The following RNF126 variants were observed in gnomAD, a reference collection of about 807,000 sequenced individuals.
RNF126 encodes the protein E3 ubiquitin-protein ligase RNF126.
A neutral mutation model predicts 41.9 loss-of-function variants in RNF126; 20 were observed. That is an observed-to-expected ratio of 0.48 (90% CI 0.34 to 0.69). RNF126 has a LOEUF of 0.69. RNF126 is among the 30% of genes least tolerant of loss of function. RNF126 has a pLI of 0.01. For synonymous variants in RNF126, 239 were observed against 202.9 expected, an observed-to-expected ratio of 1.18 and a Z score of -1.51; for missense variants, 433 against 460.6, an observed-to-expected ratio of 0.94 and a Z score of 0.55.
At position 651,859 on chromosome 19, in the gene RNF126, G is replaced by A. The variant is rs1159000541; in HGVS notation, c.199-4C>T. 1 of 1,603,672 alleles carries A rather than the reference G, an allele frequency of 6.2e-7. No homozygotes were observed. Among genetic ancestry groups the A allele is most frequent in the Non-Finnish European group, 8.5e-7 (1 of 1,175,488 alleles). On this transcript the variant is annotated splice_region_variant and splice_polypyrimidine_tract_variant and intron_variant, in intron 3 of 8. Transcript: ENST00000292363. ...TGAACAGGTGCTGGTCCACGTGCTG[G>A]GGAGAGGAGGGGGGCGTGACCTCGG...
chr19:652,167 AG>A, intron 3 of RNF126, 65 bp downstream of exon 3: 1 of 1,293,194 alleles, frequency 7.7e-7, no homozygotes, highest in Non-Finnish European at 1.0e-6. Context: ...AGGTGGGGAC[AG>A]GCTGGCGCTC....
chr19:652,993 G>T, intron 1 of RNF126, 109 bp from the exon 2 acceptor site: 1 of 1,027,404 alleles, frequency 9.7e-7, no homozygotes, highest in Non-Finnish European at 1.5e-6. Context: ...TGGCTGGCCA[G>T]GCACACGCAG....
At chr19:658,585 C>T (rs868544919) in intron 1 of RNF126, among the ~76,000 whole-genome samples, 19 of 152,182 alleles carry the variant, frequency 1.2e-4, no homozygotes, top group African/African-American at 3.6e-4. Flanking sequence ...CGGGCACGTG[C>T]GGCGCCTGCA....
rs976726330 is a variant in RNF126 at position 652,313 on chromosome 19, G to C, written c.135-17C>G. The C allele has an allele frequency of 6.4e-6, 10 of 1,552,294 alleles. No individual in the cohort carries two copies. The South Asian group carries it at 9.7e-5, about 15-fold the overall frequency. ...TCTGTGCTCCTGGGGAGAGAGTGCAGGTCAGCAGTGCCGGCTACCCTGTGC... is the reference window on the plus strand; with the variant it reads ...TCTGTGCTCCTGGGGAGAGAGTGCACGTCAGCAGTGCCGGCTACCCTGTGC... On this transcript the variant is annotated splice_polypyrimidine_tract_variant and intron_variant, in intron 2 of 8. Coordinates refer to ENST00000292363, the MANE Select transcript of RNF126 (RefSeq NM_194460.3).
At chr19:658,495 T>C (rs1305476232) in intron 1 of RNF126, among the ~76,000 whole-genome samples, 1 of 151,918 alleles carries the variant, frequency 6.6e-6, no homozygotes, top group Non-Finnish European at 1.5e-5. Flanking sequence ...GGAGCCCCCG[T>C]GCTGGCTACT....
chr19:658,880 C>T (rs1375773482), intron 1 of RNF126, among the ~76,000 whole-genome samples: 1 of 152,172 alleles, frequency 6.6e-6, no homozygotes, highest in Non-Finnish European at 1.5e-5. Context: ...ACGGCTCGCC[C>T]GAGGCTCAGA....
intron 6 of RNF126, 97 bp downstream of exon 6, chr19:649,582 T>C (rs2030170990): frequency 1.0e-5 from 10 of 987,470 alleles, no homozygotes; most frequent in African/African-American, 4.8e-5. Context: ...CCTTTGACCT[T>C]TGTGGGGCTT....
Position 657,742 on chromosome 19 carries a change from C to T in RNF126, c.76-4858G>A, listed in dbSNP as rs117449402. Among the ~76,000 whole-genome samples the T allele has an allele frequency of 4.6e-4, 70 of 152,312 alleles. No individual in the cohort carries two copies. The East Asian group carries it at 0.012, about 27-fold the overall frequency. ...AGGGCTCTGGGCTGTCTCTCAGGCC[C>T]CCGGCCAGCCCCTCCAGGGCCACCG... On this transcript the variant is annotated intron_variant, in intron 1 of 8. Transcript: ENST00000292363.
In RNF126 at chr19:652,293, G is replaced by C. The variant is rs1027729505; in HGVS notation, c.138C>G (p.Ser46Arg). The C allele has an allele frequency of 2.6e-6, 4 of 1,556,242 alleles. No individual in the cohort carries two copies. In the Admixed American group the frequency reaches 8.9e-5, roughly 35 times the overall value. ...FIEELPEETRSTENGSAPSTA... is the reference protein window; with the variant it reads ...FIEELPEETRRTENGSAPSTA... ...TGGAGGGGGCAGAACCATTTTCTGT[G>C]CTCCTGGGGAGAGAGTGCAGGTCAG... The change falls in exon 3 of 9, where the codon AGC (serine) becomes AGG (arginine). Residue 46 changes from serine to arginine, a missense_variant. Ser to Arg is a moderately radical substitution (Grantham distance 110). Transcript: ENST00000292363.
At chr19:655,509 GA>G (rs1298374630) in intron 1 of RNF126, among the ~76,000 whole-genome samples, 5 of 151,562 alleles carry the variant, frequency 3.3e-5, no homozygotes, top group East Asian at 1.9e-4. Flanking sequence ...AGTGGGGGGG[GA>G]AAGGACGTGT....
In RNF126 at chr19:651,805, A is replaced by G. The variant is rs2030310332; in HGVS notation, c.249T>C (p.Ala83=). Residue 83 remains alanine, a synonymous_variant, in exon 4 of 9, where the codon GCT becomes GCC. Transcript: ENST00000292363. ...FTLPQGYGQF[A]FGIFDDSFEI... Reference sequence around the variant, plus strand: ...CGAAGCTGTCATCGAAGATGCCGAAAGCAAACTGTCCGTAGCCCTGCGGCA... The same window carrying G: ...CGAAGCTGTCATCGAAGATGCCGAAGGCAAACTGTCCGTAGCCCTGCGGCA... The G allele has an allele frequency of 6.2e-7, 1 of 1,612,782 alleles. No homozygotes were observed. The highest frequency in any genetic ancestry group is 8.5e-7 in the Non-Finnish European group (1 of 1,179,878).
chr19:654,365 G>A (rs989386310), intron 1 of RNF126, among the ~76,000 whole-genome samples: 1 of 152,240 alleles, frequency 6.6e-6, no homozygotes, highest in African/African-American at 2.4e-5. Flanking sequence ...CCATCACCGG[G>A]GGCGCGGTGG....
In RNF126 at chr19:648,364, G is replaced by GCCCCCC; in HGVS notation, c.786+7_786+8insGGGGGG. ...CGGGGTGGGGGGGCGGGTGGGCGGG[G>GCCCCCC]CACTCACCTGCTCCAGCCAGGGCAC... On this transcript the variant is annotated splice_region_variant and intron_variant, in intron 8 of 8. Transcript: ENST00000292363. 3 of 510,414 alleles carry GCCCCCC rather than the reference G, an allele frequency of 5.9e-6. No homozygotes were observed. The highest frequency in any genetic ancestry group is 1.1e-5 in the Non-Finnish European group (3 of 278,292). The allele number at this position is 510,414 out of a possible 1,614,324, so 31.6% of individuals were successfully genotyped here.
intron 1 of RNF126, among the ~76,000 whole-genome samples, chr19:654,869 A>G (rs1043504710): frequency 6.6e-6 from 1 of 151,860 alleles, no homozygotes; most frequent in Non-Finnish European, 1.5e-5. Context: ...CAGGAGGCTG[A>G]GACAGGAGAA....
chr19:650,405 T>G, intron 4 of RNF126, 109 bp from the exon 5 acceptor site: 1 of 849,048 alleles, frequency 1.2e-6, no homozygotes, highest in East Asian at 2.7e-5. Flanking sequence ...CATCAGCTTC[T>G]AGATTAGCTT....
chr19:657,090 T>C (rs1259348115), intron 1 of RNF126, among the ~76,000 whole-genome samples: 1 of 152,150 alleles, frequency 6.6e-6, no homozygotes, highest in African/African-American at 2.4e-5. Flanking sequence ...AAGTCAGCTG[T>C]GCAGCTGCCC....
Position 648,824 on chromosome 19 carries a change from C to T in RNF126, c.670+58G>A, listed in dbSNP as rs1032417578. On this transcript the variant is annotated intron_variant, in intron 7 of 8. Coordinates refer to ENST00000292363, the MANE Select transcript of RNF126 (RefSeq NM_194460.3). ...TCTCTACTGAAAATACAAGTATGAG[C>T]CAGGCGTGGCGGCGGGTGCCTGTAA... 1.9e-5 allele frequency: 20 copies of T among 1,027,700 alleles called. No homozygotes were observed. In the African/African-American group the frequency reaches 3.1e-4, roughly 16 times the overall value. The allele number at this position is 1,027,700 out of a possible 1,614,324, so 63.7% of individuals were successfully genotyped here. A position where few individuals can be genotyped will look rare whatever the true frequency, so the allele number is the denominator to read the frequency against.
intron 1 of RNF126, among the ~76,000 whole-genome samples, chr19:653,596 G>A (rs2030427391): frequency 6.6e-6 from 1 of 152,208 alleles, no homozygotes; most frequent in Non-Finnish European, 1.5e-5. Flanking sequence ...TGGCTCACAG[G>A]GCGGACTCCT....
chr19:649,230 G>T (rs2030143171), intron 6 of RNF126: 1 of 258,744 alleles, frequency 3.9e-6, no homozygotes, highest in African/African-American at 2.2e-5. Context: ...TGGGGGGGGG[G>T]GCCGCGCTCC....
Sources: gnomAD v4.1 joint callset for allele counts (sites outside exome capture counted in the v4.1 genomes callset) on GRCh38, gnomAD v4.1.1 for gene constraint, MANE v1.5 for transcripts, NCBI Gene and HGNC (gene_info 2026-07-23, HGNC 2026-07-21) for gene names.